The following LRP1B variants were observed in gnomAD, a reference collection of about 807,000 sequenced individuals.
LRP1B encodes low-density lipoprotein receptor-related protein 1B.
Under a neutral mutation model 556.6 loss-of-function variants are expected in LRP1B, and 217 were observed. The observed-to-expected ratio is 0.39, with a 90% CI of 0.35 to 0.44. The LOEUF (loss-of-function observed/expected upper bound fraction) is 0.44, where lower values mean the gene tolerates loss of function less well. Ranked by LOEUF, LRP1B falls within the 20% of genes least tolerant of loss-of-function variation. LRP1B has a pLI of 1.00. For synonymous variants in LRP1B, 2,047 were observed against 1,865.8 expected, an observed-to-expected ratio of 1.10 and a Z score of -2.50; for missense variants, 5,053 against 5,620.8, an observed-to-expected ratio of 0.90 and a Z score of 3.23.
At chr2:141,633,098 T>C (rs1688973317) in intron 2 of LRP1B, among the ~76,000 whole-genome samples, 1 of 152,120 alleles carries the variant, frequency 6.6e-6, no homozygotes, top group Non-Finnish European at 1.5e-5. Flanking sequence ...TTTCTCTGTA[T>C]CCCTTCTTTG....
intron 41 of LRP1B, among the ~76,000 whole-genome samples, chr2:140,611,957 A>G (rs1399046800): frequency 6.6e-6 from 1 of 152,106 alleles, no homozygotes; most frequent in Admixed American, 6.5e-5. Context: ...AATAAAATTG[A>G]CCTTAAAATG....
At chr2:141,578,374 G>C (rs1686835187) in intron 2 of LRP1B, among the ~76,000 whole-genome samples, 1 of 149,980 alleles carries the variant, frequency 6.7e-6, no homozygotes, top group Non-Finnish European at 1.5e-5. Flanking sequence ...TCCAGCCTGG[G>C]TGACAGGGCG....
At chr2:141,987,187 A>T (rs571057880) in intron 1 of LRP1B, among the ~76,000 whole-genome samples, 1 of 152,130 alleles carries the variant, frequency 6.6e-6, no homozygotes, top group Admixed American at 6.6e-5. Context: ...TTCAAAATGA[A>T]TTTGGGAGAC....
chr2:141,394,771 A>G lies in LRP1B; in HGVS notation c.343+85625T>C, dbSNP rs1185919727. ...CAGTTGGAACTTTAAAACTTAGAAA[A>G]CTGAAAAACTTGCACACGGATTCTT... On this transcript the variant is annotated intron_variant, in intron 3 of 90. Coordinates refer to ENST00000389484, the MANE Select transcript of LRP1B (RefSeq NM_018557.3). Among the ~76,000 whole-genome samples, 4 of 152,118 alleles carry G rather than the reference A, an allele frequency of 2.6e-5. No homozygotes were observed. The South Asian group carries it at 6.2e-4, about 24-fold the overall frequency.
intron 2 of LRP1B, among the ~76,000 whole-genome samples, chr2:141,508,079 C>A (rs1683993262): frequency 5.7e-5 from 1 of 17,620 alleles, no homozygotes; most frequent in Non-Finnish European, 1.9e-4. Flanking sequence ...GAGGGAGACT[C>A]CATCCCCCCC....
rs1038639904 is a variant in LRP1B, at chr2:141,204,420, G to T, written c.851-15837C>A. Reference sequence around the variant, plus strand: ...ATGAGAGAAATCCGGATTTGGGATGGTCCTGCAATGGCCAGTTTATGGTCC... The same window carrying T: ...ATGAGAGAAATCCGGATTTGGGATGTTCCTGCAATGGCCAGTTTATGGTCC... On this transcript the variant is annotated intron_variant, in intron 6 of 90. Coordinates refer to ENST00000389484, the MANE Select transcript of LRP1B (RefSeq NM_018557.3). 1.5e-4 allele frequency among the ~76,000 whole-genome samples: 23 copies of T among 150,622 alleles called. 1 individual carries two copies. In the South Asian group the frequency reaches 2.3e-3, roughly 15 times the overall value.
At chr2:141,765,298 C>G (rs1288530173) in intron 2 of LRP1B, among the ~76,000 whole-genome samples, 3 of 151,990 alleles carry the variant, frequency 2.0e-5, no homozygotes, top group African/African-American at 7.2e-5. Flanking sequence ...GAGCTAAAAG[C>G]AGAATTATAA....
chr2:141,303,259 A>G (rs1686462293), intron 3 of LRP1B, among the ~76,000 whole-genome samples: 1 of 152,114 alleles, frequency 6.6e-6, no homozygotes, highest in Non-Finnish European at 1.5e-5. Context: ...CACCTTGAGT[A>G]CCTATCATTT....
chr2:141,502,812 T>A (rs1683770683), intron 2 of LRP1B, among the ~76,000 whole-genome samples: 1 of 150,130 alleles, frequency 6.7e-6, no homozygotes, highest in African/African-American at 2.4e-5. Context: ...TGAGCCAAGA[T>A]TGTGCCACTG....
intron 2 of LRP1B, among the ~76,000 whole-genome samples, chr2:141,544,583 A>T (rs1168255258): frequency 6.6e-6 from 1 of 151,282 alleles, no homozygotes; most frequent in Non-Finnish European, 1.5e-5. Flanking sequence ...ATGCAGAGAG[A>T]AGTTTACCGC....
chr2:140,438,483 G>A (rs181227024), intron 66 of LRP1B, among the ~76,000 whole-genome samples: 1 of 152,136 alleles, frequency 6.6e-6, no homozygotes, highest in East Asian at 1.9e-4. Flanking sequence ...ACTTATAAAT[G>A]TAAGCTTATA....
chr2:141,826,348 T>G (rs1350191256), intron 1 of LRP1B, among the ~76,000 whole-genome samples: 2 of 145,758 alleles, frequency 1.4e-5, no homozygotes, highest in African/African-American at 5.0e-5. Flanking sequence ...TCCATACTTT[T>G]CAGAAGTTTT....
At chr2:142,077,046 T>C (rs1705527178) in intron 1 of LRP1B, among the ~76,000 whole-genome samples, 1 of 152,066 alleles carries the variant, frequency 6.6e-6, no homozygotes, top group Admixed American at 6.6e-5. Flanking sequence ...TCTAAGATAA[T>C]ATATGAATGG....
intron 1 of LRP1B, among the ~76,000 whole-genome samples, chr2:141,921,909 TC>T (rs765983444): frequency 6.6e-6 from 1 of 152,156 alleles, no homozygotes; most frequent in Non-Finnish European, 1.5e-5. Flanking sequence ...TACACATTTT[TC>T]TTTTACATTA....
chr2:141,798,231 G>A (rs1695886053), intron 2 of LRP1B, among the ~76,000 whole-genome samples: 1 of 151,964 alleles, frequency 6.6e-6, no homozygotes, highest in Non-Finnish European at 1.5e-5. Context: ...GACAGATGAA[G>A]AAAAAATGCA....
chr2:141,459,059 A>G (rs985832973), intron 3 of LRP1B, among the ~76,000 whole-genome samples: 2 of 151,500 alleles, frequency 1.3e-5, no homozygotes, highest in South Asian at 2.1e-4. Context: ...TCAGTTTCTG[A>G]TCAATTAAAT....
chr2:142,128,058 T>C (rs999407144), intron 1 of LRP1B, among the ~76,000 whole-genome samples: 1 of 152,110 alleles, frequency 6.6e-6, no homozygotes, highest in Non-Finnish European at 1.5e-5. Context: ...TACATGTACA[T>C]TAGTTTAGCT....
chr2:140,833,530 T>C (rs1458696893), intron 31 of LRP1B, among the ~76,000 whole-genome samples: 2 of 152,250 alleles, frequency 1.3e-5, no homozygotes, highest in East Asian at 3.8e-4. Flanking sequence ...TTTGGGTCTT[T>C]ATTTAGAAAT....
At chr2:140,641,627 A>T (rs1489094134) in intron 41 of LRP1B, among the ~76,000 whole-genome samples, 1 of 152,144 alleles carries the variant, frequency 6.6e-6, no homozygotes, top group Non-Finnish European at 1.5e-5. Flanking sequence ...GAGGGAAGGC[A>T]CCTTCAGTGT....
Sources: allele counts gnomAD v4.1 joint callset (sites outside exome capture counted in the v4.1 genomes callset), GRCh38; gene constraint gnomAD v4.1.1; transcripts MANE v1.5; gene names NCBI Gene and HGNC (gene_info 2026-07-23, HGNC 2026-07-21).